Variants in ESR2 observed in about 807,000 individuals in gnomAD.
ESR2 encodes estrogen receptor 2, also known as estrogen receptor beta.
Under a neutral mutation model 49.6 loss-of-function variants are expected in ESR2, and 36 were observed. The ratio of observed to expected loss-of-function variants is 0.73; its 90% confidence interval spans 0.56 to 0.96. The LOEUF is 0.96. Ranked by LOEUF, ESR2 falls within the 40% of genes least tolerant of loss-of-function variation. The pLI, the probability that ESR2 is intolerant of heterozygous loss-of-function variation, is 0.00. For missense variants in ESR2, 714 were observed against 693.0 expected (o/e 1.03, Z -0.34); for synonymous variants, 320 against 266.1 (o/e 1.20, Z -1.97).
intron 4 of ESR2, among the ~76,000 whole-genome samples, chr14:64,267,148 G>T (rs972966326): frequency 2.0e-5 from 3 of 152,128 alleles, no homozygotes; most frequent in African/African-American, 7.2e-5. Flanking sequence ...CAAAGTGCTG[G>T]GATTACAGGC....
chr14:64,248,898 G>A (rs2075926334), intron 7 of ESR2, among the ~76,000 whole-genome samples: 1 of 152,028 alleles, frequency 6.6e-6, no homozygotes, highest in African/African-American at 2.4e-5. Context: ...ACACTCCCCT[G>A]CCTGAACCTC....
chr14:64,278,721 A>G (rs1183765453), intron 3 of ESR2, among the ~76,000 whole-genome samples: 1 of 152,196 alleles, frequency 6.6e-6, no homozygotes, highest in African/African-American at 2.4e-5. Context: ...GAAGGAGTGT[A>G]GCAAAGACAC....
intron 6 of ESR2, among the ~76,000 whole-genome samples, chr14:64,256,767 AAAAC>A (rs2076106412): frequency 1.3e-5 from 2 of 152,112 alleles, no homozygotes; most frequent in Admixed American, 1.3e-4. Flanking sequence ...AAAACAAAAA[AAAAC>A]AAAAGAGTGA....
chr14:64,282,481 A>C (rs1339860729), intron 2 of ESR2, 143 bp downstream of exon 2: 1 of 801,976 alleles, frequency 1.2e-6, no homozygotes, highest in Non-Finnish European at 1.9e-6. Context: ...AGAACAGGGC[A>C]TCCTGTGTTT....
chr14:64,329,470 G>A (rs1042435588), intron 1 of ESR2: 1 of 152,148 alleles, frequency 6.6e-6, no homozygotes, highest in African/African-American at 2.4e-5. Flanking sequence ...TGAGAAGGGG[G>A]AAAGGAATTG....
chr14:64,319,357 C>T (rs1319941917), intron 1 of ESR2, among the ~76,000 whole-genome samples: 1 of 151,300 alleles, frequency 6.6e-6, no homozygotes, highest in Non-Finnish European at 1.5e-5. Flanking sequence ...TGTAAGTGAC[C>T]TAGGTTTAGA....
At chr14:64,242,219 G>A (rs1394307427) in intron 7 of ESR2, among the ~76,000 whole-genome samples, 1 of 151,944 alleles carries the variant, frequency 6.6e-6, no homozygotes, top group African/African-American at 2.4e-5. Context: ...AGACCATCCT[G>A]GCCAACATGG....
chr14:64,311,094 G>A (rs2077183157), intron 1 of ESR2, among the ~76,000 whole-genome samples: 1 of 152,112 alleles, frequency 6.6e-6, no homozygotes, highest in Non-Finnish European at 1.5e-5. Context: ...GTGCTTAGAA[G>A]ATTTAAGGAT....
At chr14:64,273,613 A>C (rs1488468756) in intron 3 of ESR2, among the ~76,000 whole-genome samples, 1 of 152,144 alleles carries the variant, frequency 6.6e-6, no homozygotes, top group African/African-American at 2.4e-5. Flanking sequence ...ATTAATTTGC[A>C]TATGTTGAAC....
At chr14:64,264,199 A>G (rs942564652) in intron 4 of ESR2, among the ~76,000 whole-genome samples, 2 of 152,242 alleles carry the variant, frequency 1.3e-5, no homozygotes, top group Non-Finnish European at 2.9e-5. Flanking sequence ...TCACTAAATC[A>G]ATTGTTTACA....
intron 7 of ESR2, among the ~76,000 whole-genome samples, chr14:64,242,022 T>A (rs543987599): frequency 3.0e-4 from 45 of 152,338 alleles, no homozygotes; most frequent in Admixed American, 2.6e-3. Context: ...AGGTGCCCTT[T>A]AATGGATTGA....
intron 1 of ESR2, among the ~76,000 whole-genome samples, chr14:64,320,008 TTGTC>T (rs2077306493): frequency 6.6e-6 from 1 of 152,164 alleles, no homozygotes; most frequent in Non-Finnish European, 1.5e-5. Context: ...TTATTTATAA[TTGTC>T]AAAAATTGGA....
chr14:64,321,305 A>G (rs2077321815), intron 1 of ESR2, among the ~76,000 whole-genome samples: 1 of 151,912 alleles, frequency 6.6e-6, no homozygotes. Flanking sequence ...TTAATTGTCT[A>G]GAAGCAAAAA....
chr14:64,227,684 TATTGTGCATGTCA>T, downstream of ESR2: 1 of 1,608,054 alleles, frequency 6.2e-7, no homozygotes, highest in South Asian at 1.1e-5. Flanking sequence ...CAAAGCTTAA[TATTGTGCATGTCA>T]ATTTTTGTCT....
At chr14:64,314,877 CAAAAAA>C (rs1179436563) in intron 1 of ESR2, among the ~76,000 whole-genome samples, 1 of 20,488 alleles carries the variant, frequency 4.9e-5, no homozygotes, top group African/African-American at 1.4e-4. Flanking sequence ...GACTCCGTCT[CAAAAAA>C]AAAAAAAAAA....
Position 64,233,105 on chromosome 14 carries a change from C to T in ESR2, c.*32G>A. 1.3e-6 allele frequency: 2 copies of T among 1,598,126 alleles called. No individual in the cohort carries two copies. The highest frequency in any genetic ancestry group is 1.7e-6 in the Non-Finnish European group (2 of 1,168,572). On this transcript the variant is annotated 3_prime_UTR_variant, in exon 9 of 9. Transcript: ENST00000341099. ...TGGAGTTCACGCTTCAGCCTGTGAC[C>T]TCTGTGGGCCAGTTCACCTCAGGGC... is the stretch of plus-strand genomic sequence containing the variant.
intron 6 of ESR2, among the ~76,000 whole-genome samples, chr14:64,255,651 A>G (rs2140705544): frequency 6.6e-6 from 1 of 152,372 alleles, no homozygotes; most frequent in Middle Eastern, 3.4e-3. Flanking sequence ...TGATAGAGAT[A>G]ATAATGGATC....
intron 3 of ESR2, among the ~76,000 whole-genome samples, chr14:64,276,722 T>C (rs2076565166): frequency 6.6e-6 from 1 of 152,208 alleles, no homozygotes. Context: ...AAGAGTTAAA[T>C]AAATTAAATC....
chr14:64,235,330 C>T (rs1017736821), intron 7 of ESR2, among the ~76,000 whole-genome samples, 180 bp from the exon 8 acceptor site: 14 of 152,220 alleles, frequency 9.2e-5, no homozygotes, highest in Admixed American at 7.2e-4. Context: ...GAGCCAGCCC[C>T]GTCACAGAGC....
Sources: gnomAD v4.1 joint callset for allele counts (sites outside exome capture counted in the v4.1 genomes callset) on GRCh38, gnomAD v4.1.1 for gene constraint, MANE v1.5 for transcripts, NCBI Gene and HGNC (gene_info 2026-07-23, HGNC 2026-07-21) for gene names.